PAAF1: variants seen among roughly 807,000 people sequenced by gnomAD.
The protein encoded by PAAF1 is proteasomal ATPase associated factor 1.
Under a neutral mutation model 52.8 loss-of-function variants are expected in PAAF1, and 46 were observed. The observed-to-expected ratio is 0.87, with a 90% CI of 0.69 to 1.11. The LOEUF (loss-of-function observed/expected upper bound fraction) is 1.11, where lower values mean the gene tolerates loss of function less well. PAAF1 is among the 50% of genes most tolerant of loss of function. The probability of loss-of-function intolerance (pLI) is 0.00; values close to 1 mark genes in which losing one functional copy is unlikely to be tolerated. For missense variants in PAAF1, 424 were observed against 477.4 expected (o/e 0.89, Z 1.04); for synonymous variants, 178 against 172.8 (o/e 1.03, Z -0.24).
chr11:73,916,150 C>T (rs1950056521), intron 8 of PAAF1, among the ~76,000 whole-genome samples: 1 of 151,932 alleles, frequency 6.6e-6, no homozygotes, highest in African/African-American at 2.4e-5. Flanking sequence ...TACAAAATAC[C>T]CTCCTTCAAA....
chr11:73,909,517 T>C lies in PAAF1; in HGVS notation c.651T>C (p.Cys217=), dbSNP rs750905709. The change falls in exon 7 of 12, where the codon TGT becomes TGC. Residue 217 remains cysteine (C), a synonymous_variant. Coordinates refer to ENST00000310571, the MANE Select transcript of PAAF1 (RefSeq NM_025155.3). ...RSACLGVLAD[C]GSSINGVAVG... is the part of the protein sequence containing the mutation. ...CCTGCTTGGGAGTCCTTGCAGATTG[T>C]GGTTCTTCTATCAATGGAGTGGCGG... 1.2e-6 allele frequency: 2 copies of C among 1,614,202 alleles called. No individual in the cohort carries two copies. The highest frequency in any genetic ancestry group is 1.7e-6 in the Non-Finnish European group (2 of 1,180,038).
chr11:73,919,432 G>A (rs927816871), intron 10 of PAAF1, among the ~76,000 whole-genome samples: 1 of 152,162 alleles, frequency 6.6e-6, no homozygotes, highest in South Asian at 2.1e-4. Flanking sequence ...CAAGGTCTTC[G>A]TGAACTACGT....
chr11:73,908,233 G>A (rs1382207095), intron 6 of PAAF1, among the ~76,000 whole-genome samples: 1 of 148,650 alleles, frequency 6.7e-6, no homozygotes, highest in African/African-American at 2.5e-5. Flanking sequence ...ATATATATGT[G>A]TGTATATATA....
chr11:73,878,263 G>A (rs1304760036), intron 1 of PAAF1, among the ~76,000 whole-genome samples: 8 of 152,180 alleles, frequency 5.3e-5, no homozygotes, highest in Non-Finnish European at 1.2e-4. Context: ...ATTTGCCCAA[G>A]ATCATGCATC....
chr11:73,904,309 A>G (rs529989459), intron 6 of PAAF1, among the ~76,000 whole-genome samples: 127 of 152,256 alleles, frequency 8.3e-4, no homozygotes, highest in Non-Finnish European at 4.4e-5. Flanking sequence ...CACTTTAATC[A>G]GTTTGAAGTT....
chr11:73,900,503 T>A, intron 6 of PAAF1, 83 bp downstream of exon 6: 1 of 1,435,780 alleles, frequency 7.0e-7, no homozygotes, highest in East Asian at 2.3e-5. Context: ...AGCTAGTTTA[T>A]TCACAAATAC....
At chr11:73,896,144 A>G (rs1379858915) in intron 4 of PAAF1, among the ~76,000 whole-genome samples, 1 of 152,116 alleles carries the variant, frequency 6.6e-6, no homozygotes, top group Non-Finnish European at 1.5e-5. Flanking sequence ...GTGAGTTTGG[A>G]AAACAAAAAG....
chr11:73,922,478 T>G (rs1591134558), intron 10 of PAAF1, among the ~76,000 whole-genome samples: 2 of 152,254 alleles, frequency 1.3e-5, no homozygotes, highest in African/African-American at 4.8e-5. Flanking sequence ...GTAGGCTGTT[T>G]GGCCGCTCTG....
chr11:73,896,961 G>A (rs1479748101), intron 4 of PAAF1, among the ~76,000 whole-genome samples: 4 of 141,712 alleles, frequency 2.8e-5, no homozygotes, highest in African/African-American at 5.4e-5. Context: ...CGACGGGGCG[G>A]CTGGCCGGGC....
upstream of PAAF1, chr11:73,876,966 G>T (rs1010790271): frequency 2.5e-5 from 37 of 1,481,902 alleles, no homozygotes; most frequent in Non-Finnish European, 3.1e-5. Flanking sequence ...CACGCTTCTC[G>T]GGGACTCACT....
chr11:73,880,181 A>G (rs146593067), intron 2 of PAAF1: 2 of 152,140 alleles, frequency 1.3e-5, no homozygotes, highest in East Asian at 1.9e-4. Flanking sequence ...TGATTATGCT[A>G]CTGGACCTCC....
Position 73,878,771 on chromosome 11 carries a change from C to T in PAAF1, c.48-8C>T, listed in dbSNP as rs1448014410. ...TAAGCCTAATTAGGCTTTTGTCTTT[C>T]TTCGTAGGAAGGATGAAGGGGAGGC... On this transcript the variant is annotated splice_polypyrimidine_tract_variant and splice_region_variant and intron_variant, in intron 1 of 11. Transcript: ENST00000310571. 6.2e-7 allele frequency: 1 copy of T among 1,613,270 alleles called. No individual in the cohort carries two copies. The highest frequency in any genetic ancestry group is 8.5e-7 in the Non-Finnish European group (1 of 1,179,562).
intron 11 of PAAF1, among the ~76,000 whole-genome samples, chr11:73,925,542 T>C (rs978460092): frequency 6.6e-6 from 1 of 152,086 alleles, no homozygotes; most frequent in Non-Finnish European, 1.5e-5. Flanking sequence ...CACTAGTCTG[T>C]CAATTCATCT....
At chr11:73,919,072 G>A (rs1298318340) in intron 10 of PAAF1, 40 bp downstream of exon 10, 1 of 1,522,726 alleles carries the variant, frequency 6.6e-7, no homozygotes, top group African/African-American at 1.4e-5. Context: ...CTTCTCTGTA[G>A]TTCAGTTAAT....
chr11:73,881,851 C>T lies in PAAF1; in HGVS notation c.88+3032C>T, dbSNP rs149248741. Reference sequence around the variant, plus strand: ...CCTCCCAAGTAGCTAGGACTACAGGCGCGTGCTACCATGCACGGCTAATTT... The same window carrying T: ...CCTCCCAAGTAGCTAGGACTACAGGTGCGTGCTACCATGCACGGCTAATTT... On this transcript the variant is annotated intron_variant, in intron 2 of 11. Transcript: ENST00000310571. Among the ~76,000 whole-genome samples the T allele has an allele frequency of 4.2e-4, 64 of 151,952 alleles. No individual in the cohort carries two copies. In the East Asian group the frequency reaches 0.012, roughly 28 times the overall value.
chr11:73,897,188 C>T (rs554791326), intron 4 of PAAF1, among the ~76,000 whole-genome samples: 1,568 of 134,736 alleles, frequency 0.012, 31 homozygotes, highest in African/African-American at 0.044. Context: ...GGGGGGCTGA[C>T]CCCCCCACCT....
Position 73,900,001 on chromosome 11 carries a change from CT to C in PAAF1, c.382-254del, listed in dbSNP as rs201364777. Among the ~76,000 whole-genome samples, 969 of 144,524 alleles carry C rather than the reference CT, an allele frequency of 6.7e-3. 1 individual carries two copies. The highest frequency in any genetic ancestry group is 7.1e-3 in the Middle Eastern group (2 of 282). The allele number at this position is 144,524 out of a possible 152,430, so 94.8% of individuals were successfully genotyped here. The stretch of plus-strand genomic sequence containing the variant: ...AGATGGCTGTGAAAGCCATGGAATT[CT>C]TTTTTTTTTTTTTTAACCTAGGCTC... On this transcript the variant is annotated intron_variant, in intron 5 of 11. Transcript: ENST00000310571.
intron 4 of PAAF1, among the ~76,000 whole-genome samples, 194 bp downstream of exon 4, chr11:73,891,395 A>C (rs931785929): frequency 2.0e-5 from 3 of 152,204 alleles, no homozygotes; most frequent in African/African-American, 7.2e-5. Flanking sequence ...TATGTGTTCA[A>C]ATCTACTCAC....
chr11:73,900,618 C>T (rs1349111785), intron 6 of PAAF1, among the ~76,000 whole-genome samples, 198 bp downstream of exon 6: 2 of 152,200 alleles, frequency 1.3e-5, no homozygotes, highest in South Asian at 2.1e-4. Context: ...AACTGTCTTA[C>T]ACAGTTGGTT....
Sources: allele counts gnomAD v4.1 joint callset (sites outside exome capture counted in the v4.1 genomes callset), GRCh38; gene constraint gnomAD v4.1.1; transcripts MANE v1.5; gene names NCBI Gene and HGNC (gene_info 2026-07-23, HGNC 2026-07-21).